The following KIDINS220 variants were observed in gnomAD, a reference collection of about 807,000 sequenced individuals.
The protein encoded by KIDINS220 is kinase D-interacting substrate of 220 kDa.
Under a neutral mutation model 157.6 loss-of-function variants are expected in KIDINS220, and 63 were observed. The ratio of observed to expected loss-of-function variants is 0.40; its 90% confidence interval spans 0.33 to 0.49. KIDINS220 has a LOEUF of 0.49. Ranked by LOEUF, KIDINS220 falls within the 20% of genes least tolerant of loss-of-function variation. The probability of loss-of-function intolerance (pLI) is 0.66; values close to 1 mark genes in which losing one functional copy is unlikely to be tolerated. For synonymous variants in KIDINS220, 732 were observed against 783.6 expected (o/e 0.93, Z 1.10); for missense variants, 1,772 against 2,171.2 (o/e 0.82, Z 3.65).
rs1328377264 is a variant in KIDINS220 at position 8,747,452 on chromosome 2, CCTTAT to C, written c.3529-256_3529-252del. On this transcript the variant is annotated intron_variant, in intron 25 of 29. Transcript: ENST00000256707. ...TTCAATAGTTCATTGGAAGAATTTC[CCTTAT>C]CTTGTTTAATTCCTGCCATTTGATT... 4 of 530,392 alleles carry C rather than the reference CCTTAT, an allele frequency of 7.5e-6. No homozygotes were observed. The Admixed American group carries it at 9.7e-5, about 13-fold the overall frequency. 32.9% of individuals were successfully genotyped at this position (530,392 alleles called of 1,614,324 possible). A position where few individuals can be genotyped will look rare whatever the true frequency, so the allele number is the denominator to read the frequency against.
At chr2:8,832,125 A>C (rs1679727918) in intron 1 of KIDINS220, among the ~76,000 whole-genome samples, 1 of 152,146 alleles carries the variant, frequency 6.6e-6, no homozygotes, top group African/African-American at 2.4e-5. Context: ...CTCTTCCCCG[A>C]ATCACCTAAC....
intron 11 of KIDINS220, among the ~76,000 whole-genome samples, chr2:8,796,430 T>A (rs1323781534): frequency 6.6e-6 from 1 of 152,186 alleles, no homozygotes; most frequent in Non-Finnish European, 1.5e-5. Context: ...GCTCTGAGCA[T>A]CGGCCTCCTC....
chr2:8,757,560 G>T, intron 22 of KIDINS220: 1 of 1,505,816 alleles, frequency 6.6e-7, no homozygotes, highest in Non-Finnish European at 8.9e-7. Flanking sequence ...GTCTCATGAA[G>T]GCCAGTACCT....
chr2:8,784,098 C>T (rs1481399356), intron 17 of KIDINS220, among the ~76,000 whole-genome samples: 1 of 150,062 alleles, frequency 6.7e-6, no homozygotes, highest in East Asian at 1.9e-4. Context: ...CAGACCTACA[C>T]AAATATAGTC....
intron 4 of KIDINS220, among the ~76,000 whole-genome samples, chr2:8,814,608 C>T (rs1417258212): frequency 6.6e-6 from 1 of 152,178 alleles, no homozygotes; most frequent in Non-Finnish European, 1.5e-5. Flanking sequence ...TACACCACCA[C>T]AGTTATGGTA....
At chr2:8,807,635 G>A (rs1015217008) in intron 6 of KIDINS220, among the ~76,000 whole-genome samples, 2 of 152,184 alleles carry the variant, frequency 1.3e-5, no homozygotes, top group Admixed American at 6.5e-5. Context: ...AGGCACCACA[G>A]CAACCAACCA....
At chr2:8,738,369 T>A (rs1337242302) in intron 26 of KIDINS220, among the ~76,000 whole-genome samples, 3 of 152,182 alleles carry the variant, frequency 2.0e-5, no homozygotes, top group Non-Finnish European at 4.4e-5. Flanking sequence ...AAACGGGATA[T>A]TTGCAGAGTT....
At chr2:8,829,176 G>A (rs1269563969) in intron 1 of KIDINS220, among the ~76,000 whole-genome samples, 1 of 152,224 alleles carries the variant, frequency 6.6e-6, no homozygotes, top group East Asian at 1.9e-4. Flanking sequence ...AGGGGAATGA[G>A]ATGGCTACAA....
intron 5 of KIDINS220, 148 bp from the exon 6 acceptor site, chr2:8,812,641 A>C (rs1376193887): frequency 2.4e-6 from 1 of 408,820 alleles, no homozygotes; most frequent in East Asian, 3.7e-5. Flanking sequence ...ACATCAAAGG[A>C]AGTAACACAA....
At chr2:8,725,886 G>A (rs1383379265), downstream of KIDINS220, among the ~76,000 whole-genome samples, 1 of 152,024 alleles carries the variant, frequency 6.6e-6, no homozygotes, top group Non-Finnish European at 1.5e-5. Context: ...ACGAAGAAAG[G>A]GTTCCTAGCA....
chr2:8,754,740 G>C (rs1271759832), intron 22 of KIDINS220, among the ~76,000 whole-genome samples: 1 of 152,056 alleles, frequency 6.6e-6, no homozygotes, highest in East Asian at 1.9e-4. Flanking sequence ...TTCAAAATGA[G>C]GTTTTAAATT....
chr2:8,817,335 A>G (rs78308995), intron 4 of KIDINS220, among the ~76,000 whole-genome samples: 2,317 of 152,312 alleles, frequency 0.015, 59 homozygotes, highest in African/African-American at 0.053. Context: ...CTGTCTCAGA[A>G]GTTCCAAAAC....
intron 25 of KIDINS220, chr2:8,747,457 T>C: frequency 3.8e-6 from 2 of 528,220 alleles, no homozygotes; most frequent in Non-Finnish European, 6.7e-6. Context: ...ATTTCCCTTA[T>C]CTTGTTTAAT....
At chr2:8,819,710 A>G (rs1677629580) in intron 2 of KIDINS220, among the ~76,000 whole-genome samples, 1 of 152,136 alleles carries the variant, frequency 6.6e-6, no homozygotes, top group Non-Finnish European at 1.5e-5. Context: ...CTGTAATCCC[A>G]GCTACCTGGG....
chr2:8,727,537 A>G (rs758041821), downstream of KIDINS220, among the ~76,000 whole-genome samples: 4 of 152,198 alleles, frequency 2.6e-5, no homozygotes, highest in Non-Finnish European at 4.4e-5. Flanking sequence ...TCACCTTTTA[A>G]ATTTAGTCTT....
chr2:8,765,755 A>G lies in KIDINS220; in HGVS notation c.3011+4915T>C, dbSNP rs530793440. 5.3e-5 allele frequency among the ~76,000 whole-genome samples: 8 copies of G among 152,174 alleles called. 1 individual carries two copies. Among genetic ancestry groups the G allele is most frequent in the African/African-American group, 1.4e-4 (6 of 41,532 alleles). On this transcript the variant is annotated intron_variant, in intron 22 of 29. Transcript: ENST00000256707. ...TCACCCAGGCTGGAGTGTGGTAGCT[A>G]TTCACAGGCACAGTCATGGCACGCT...
chr2:8,775,845 T>C lies in KIDINS220; in HGVS notation c.2848+903A>G, dbSNP rs147763957. Among the ~76,000 whole-genome samples, 493 of 152,302 alleles carry C rather than the reference T, an allele frequency of 3.2e-3. 4 individuals carry two copies. Among genetic ancestry groups the C allele is most frequent in the African/African-American group, 0.011 (457 of 41,566 alleles). On this transcript the variant is annotated intron_variant, in intron 21 of 29. Transcript: ENST00000256707. ...AGGCCATCTCCTGTTTACAGTCTTGTTTTCATGACACACATCATTCTGTGA... is the reference window on the plus strand; with the variant it reads ...AGGCCATCTCCTGTTTACAGTCTTGCTTTCATGACACACATCATTCTGTGA...
chr2:8,746,046 A>G (rs1666512761), intron 26 of KIDINS220, among the ~76,000 whole-genome samples: 1 of 151,750 alleles, frequency 6.6e-6, no homozygotes, highest in Non-Finnish European at 1.5e-5. Context: ...CTCTAAATGA[A>G]GATTTTAAAG....
chr2:8,821,025 T>C (rs1677878387), intron 2 of KIDINS220, among the ~76,000 whole-genome samples: 1 of 152,140 alleles, frequency 6.6e-6, no homozygotes, highest in African/African-American at 2.4e-5. Flanking sequence ...AAAATTATAA[T>C]TCCAAAGACT....
Sources: allele counts gnomAD v4.1 joint callset (sites outside exome capture counted in the v4.1 genomes callset), GRCh38; gene constraint gnomAD v4.1.1; transcripts MANE v1.5; gene names NCBI Gene and HGNC (gene_info 2026-07-23, HGNC 2026-07-21).